ERCC6: variants seen among roughly 807,000 people sequenced by gnomAD.
ERCC6 encodes the protein DNA excision repair protein ERCC-6.
A neutral mutation model predicts 158.7 loss-of-function variants in ERCC6; 116 were observed. The ratio of observed to expected loss-of-function variants is 0.73; its 90% CI spans 0.63 to 0.85. The LOEUF is 0.85. ERCC6 is among the 40% of genes least tolerant of loss of function. The pLI is 0.00. For missense variants in ERCC6, 1,698 were observed against 1,799.4 expected, an observed-to-expected ratio of 0.94 and a Z score of 1.02; for synonymous variants, 678 against 659.3, an observed-to-expected ratio of 1.03 and a Z score of -0.43.
chr10:49,506,109 T>C (rs1564432301), intron 5 of ERCC6, 97 bp from the exon 6 acceptor site: 2 of 1,424,992 alleles, frequency 1.4e-6, no homozygotes, highest in East Asian at 2.3e-5. Context: ...ACAGGCAAAT[T>C]AGAACGGTCT....
upstream of ERCC6, chr10:49,539,371 C>G (rs1837684432): frequency 6.6e-6 from 1 of 152,274 alleles, no homozygotes; most frequent in African/African-American, 2.4e-5. Context: ...GAATGTAAAT[C>G]CTCACAATTA....
At chr10:49,513,058 G>C (rs1250880340) in intron 5 of ERCC6, among the ~76,000 whole-genome samples, 1 of 152,162 alleles carries the variant, frequency 6.6e-6, no homozygotes, top group African/African-American at 2.4e-5. Flanking sequence ...AATCTTTGTG[G>C]TAACTTTTAG....
intron 4 of ERCC6, among the ~76,000 whole-genome samples, chr10:49,526,996 T>C (rs1025434185): frequency 6.6e-6 from 1 of 151,994 alleles, no homozygotes; most frequent in Non-Finnish European, 1.5e-5. Context: ...ATATTTAAGA[T>C]ATGGCCAGAA....
At chr10:49,515,290 T>C (rs2132596220) in intron 5 of ERCC6, 2 of 1,563,090 alleles carry the variant, frequency 1.3e-6, no homozygotes, top group South Asian at 1.2e-5. Context: ...CTGTACATAA[T>C]GTATAAAACT....
Position 49,505,920 on chromosome 10 carries a change from A to G in ERCC6, c.1490T>C (p.Phe497Ser), listed in dbSNP as rs1851434754. ...EESDAEFDEG[F>S]KVPGFLFKKL... ...TTTGAACAGAAAACCTGGCACTTTA[A>G]AACCTTCGTCAAATTCAGCATCACT... The change falls in exon 6 of 21, where the codon TTT becomes TCT. Residue 497 changes from phenylalanine to serine, a missense_variant. Physicochemically the swap from Phe to Ser is radical, Grantham distance 155. Transcript: ENST00000355832. 1 of 1,613,464 alleles carries G rather than the reference A, an allele frequency of 6.2e-7. No homozygotes were observed. Among genetic ancestry groups the G allele is most frequent in the Non-Finnish European group, 8.5e-7 (1 of 1,179,586 alleles).
At chr10:49,443,972 G>C in the ERCC6 span, among the ~76,000 whole-genome samples, 1 of 152,204 alleles carries the variant, frequency 6.6e-6, no homozygotes, top group Admixed American at 6.5e-5. Context: ...GACAGGAAAA[G>C]GAAGGCCACT....
chr10:49,462,132 A>G (rs921930675), intron 18 of ERCC6, among the ~76,000 whole-genome samples: 4 of 152,248 alleles, frequency 2.6e-5, no homozygotes, highest in African/African-American at 9.6e-5. Context: ...ATTGGACAAT[A>G]AAACACGCTC....
chr10:49,532,391 T>C, intron 2 of ERCC6, 152 bp downstream of exon 2: 1 of 1,207,236 alleles, frequency 8.3e-7, no homozygotes, highest in Non-Finnish European at 1.2e-6. Flanking sequence ...GACTCAAAGA[T>C]GAGGTTGAGG....
At position 49,455,453 on chromosome 10, in the gene ERCC6, A is replaced by G. The variant is rs1850469371; in HGVS notation, c.*3362T>C. 1 of 152,238 alleles carries G rather than the reference A, an allele frequency of 6.6e-6. No homozygotes were observed. Among genetic ancestry groups the G allele is most frequent in the African/African-American group, 2.4e-5 (1 of 41,454 alleles). The allele number at this position is 152,238 out of a possible 1,614,324, so 9.4% of individuals were successfully genotyped here. ...AAAACACCCAAGTATAAGACACTGA[A>G]GAGGGGGAGAAAGGAAAAGGAACTT... On this transcript the variant is annotated 3_prime_UTR_variant, in exon 21 of 21. Coordinates refer to ENST00000355832, the MANE Select transcript of ERCC6 (RefSeq NM_000124.4).
At chr10:49,468,600 G>C (rs1850718333) in intron 18 of ERCC6, among the ~76,000 whole-genome samples, 1 of 152,138 alleles carries the variant, frequency 6.6e-6, no homozygotes, top group Admixed American at 6.5e-5. Flanking sequence ...TGTGCAATTT[G>C]TTGTGCATAT....
rs765973426 is a variant in ERCC6, at chr10:49,456,462, A to G, written c.*2353T>C. On this transcript the variant is annotated 3_prime_UTR_variant, in exon 21 of 21. Transcript: ENST00000355832. ...CGTCCAGGTAAAACTCAAAAATTTT[A>G]TTAGTAAAGGAAGAATGGGAAAATG... The G allele has an allele frequency of 6.6e-6, 1 of 152,242 alleles. No individual in the cohort carries two copies. Among genetic ancestry groups the G allele is most frequent in the African/African-American group, 2.4e-5 (1 of 41,458 alleles). The allele number at this position is 152,242 out of a possible 1,614,324, so 9.4% of individuals were successfully genotyped here.
chr10:49,528,703 T>G (rs1837398948), intron 3 of ERCC6, among the ~76,000 whole-genome samples, 178 bp from the exon 4 acceptor site: 1 of 152,214 alleles, frequency 6.6e-6, no homozygotes, highest in Non-Finnish European at 1.5e-5. Flanking sequence ...ACTACCACTT[T>G]TCTAGGAGTA....
At chr10:49,529,291 T>G (rs1837414831) in intron 3 of ERCC6, among the ~76,000 whole-genome samples, 1 of 152,214 alleles carries the variant, frequency 6.6e-6, no homozygotes, top group African/African-American at 2.4e-5. Context: ...GCAATTTGTT[T>G]TTTCTCAGTT....
At chr10:49,494,435 AAATT>A (rs1187501708) in intron 7 of ERCC6, among the ~76,000 whole-genome samples, 2 of 152,222 alleles carry the variant, frequency 1.3e-5, no homozygotes, top group Non-Finnish European at 2.9e-5. Flanking sequence ...TAATTTTTAA[AAATT>A]ATTTATGGAA....
the ERCC6 span, among the ~76,000 whole-genome samples, chr10:49,442,131 C>T: frequency 4.6e-5 from 7 of 152,242 alleles, no homozygotes; most frequent in African/African-American, 1.4e-4. Context: ...AAATGTCCAA[C>T]ATTGCTTTTC....
In ERCC6 at chr10:49,461,501, A is replaced by C. The variant is rs1324686182; in HGVS notation, c.3834T>G (p.Asp1278Glu). 6.2e-7 allele frequency: 1 copy of C among 1,614,112 alleles called. No homozygotes were observed. The change falls in exon 19 of 21, where the codon GAT (aspartate) becomes GAG (glutamate). Residue 1278 changes from aspartate (D) to glutamate (E), a missense_variant. Physicochemically the swap from Asp to Glu is conservative, Grantham distance 45. Coordinates refer to ENST00000355832, the MANE Select transcript of ERCC6 (RefSeq NM_000124.4). ...TGGCTTCTGCCTCCACCAGTACATA[A>C]TCTGGGCTGGCTCCATCCATGATGG... ...HDAIMDGASP[D>E]YVLVEAEANR...
the ERCC6 span, among the ~76,000 whole-genome samples, chr10:49,437,070 C>G: frequency 6.6e-6 from 1 of 152,140 alleles, no homozygotes; most frequent in African/African-American, 2.4e-5. Flanking sequence ...TTCCCCCATG[C>G]TGTTCTTGTG....
At chr10:49,464,693 C>T (rs1850642562) in intron 18 of ERCC6, among the ~76,000 whole-genome samples, 1 of 152,240 alleles carries the variant, frequency 6.6e-6, no homozygotes. Flanking sequence ...GCCACTCCAG[C>T]TGTGGCTGAA....
chr10:49,486,381 G>C (rs1851078171), intron 8 of ERCC6, among the ~76,000 whole-genome samples: 1 of 152,066 alleles, frequency 6.6e-6, no homozygotes, highest in African/African-American at 2.4e-5. Flanking sequence ...TGAAATCAAA[G>C]AGAGCAGTCA....
Sources: gnomAD v4.1 joint callset for allele counts (sites outside exome capture counted in the v4.1 genomes callset) on GRCh38, gnomAD v4.1.1 for gene constraint, MANE v1.5 for transcripts, NCBI Gene and HGNC (gene_info 2026-07-23, HGNC 2026-07-21) for gene names.